Variants in FBXL17 observed in about 807,000 individuals in gnomAD.
FBXL17 encodes the protein F-box/LRR-repeat protein 17.
FBXL17 carries 22 observed loss-of-function variants against 66.2 expected under a neutral mutation model. The ratio of observed to expected loss-of-function variants is 0.33; its 90% CI spans 0.24 to 0.47. FBXL17 has a LOEUF of 0.47. FBXL17 is among the 20% of genes least tolerant of loss of function. FBXL17 has a pLI of 1.00. For synonymous variants in FBXL17, 474 were observed against 400.5 expected, an observed-to-expected ratio of 1.18 and a Z score of -2.19; for missense variants, 878 against 948.2, an observed-to-expected ratio of 0.93 and a Z score of 0.97.
chr5:108,347,482 T>A (rs564675373), intron 4 of FBXL17, among the ~76,000 whole-genome samples: 1 of 152,270 alleles, frequency 6.6e-6, no homozygotes, highest in South Asian at 2.1e-4. Flanking sequence ...AAAACATAAA[T>A]GCTTTGGAAT....
At chr5:108,366,508 C>T (rs1341113696) in intron 2 of FBXL17, among the ~76,000 whole-genome samples, 1 of 151,676 alleles carries the variant, frequency 6.6e-6, no homozygotes, top group East Asian at 1.9e-4. Context: ...CTCTGACATA[C>T]CTCTCCTTTT....
intron 7 of FBXL17, among the ~76,000 whole-genome samples, chr5:107,999,484 C>A (rs1050163847): frequency 7.3e-6 from 1 of 137,730 alleles, no homozygotes; most frequent in African/African-American, 2.8e-5. Flanking sequence ...CACACACACA[C>A]CACACACACA....
chr5:108,170,462 T>C (rs1429565176), intron 6 of FBXL17, among the ~76,000 whole-genome samples: 1 of 152,192 alleles, frequency 6.6e-6, no homozygotes, highest in Non-Finnish European at 1.5e-5. Flanking sequence ...CCCATTTCTA[T>C]ATGTGGAGTT....
At chr5:108,084,191 G>T (rs904762646) in intron 6 of FBXL17, among the ~76,000 whole-genome samples, 17 of 152,126 alleles carry the variant, frequency 1.1e-4, no homozygotes, top group African/African-American at 4.1e-4. Flanking sequence ...CTACATATAC[G>T]TGCCGCAAGC....
intron 8 of FBXL17, among the ~76,000 whole-genome samples, chr5:107,864,536 A>G (rs566187248): frequency 5.3e-5 from 8 of 152,112 alleles, no homozygotes; most frequent in East Asian, 1.9e-4. Context: ...GTGATCCCCA[A>G]TGTTGGAGGT....
intron 6 of FBXL17, among the ~76,000 whole-genome samples, chr5:108,039,171 G>A (rs2112799391): frequency 6.6e-6 from 1 of 152,064 alleles, no homozygotes; most frequent in East Asian, 1.9e-4. Flanking sequence ...ATCCCTTGTT[G>A]AGTGCAAAGA....
intron 3 of FBXL17, among the ~76,000 whole-genome samples, chr5:108,363,520 GA>G (rs1748475284): frequency 6.6e-6 from 1 of 151,866 alleles, no homozygotes; most frequent in South Asian, 2.1e-4. Flanking sequence ...ATAAATATCC[GA>G]AGGAAACATC....
intron 6 of FBXL17, among the ~76,000 whole-genome samples, chr5:108,132,791 T>C (rs963264676): frequency 6.6e-6 from 1 of 152,174 alleles, no homozygotes; most frequent in Non-Finnish European, 1.5e-5. Flanking sequence ...CAGGTCAGGC[T>C]GTGAAAACAT....
At chr5:107,868,909 A>AGTGGTTAC (rs60544240) in intron 8 of FBXL17, among the ~76,000 whole-genome samples, 43,257 of 151,834 alleles carry the variant, frequency 0.28, 8,221 homozygotes, top group African/African-American at 0.53. Flanking sequence ...ACAACTCATC[A>AGTGGTTAC]TTTGTAAGCT....
At chr5:108,154,228 C>A (rs286740) in intron 6 of FBXL17, among the ~76,000 whole-genome samples, 3 of 144,936 alleles carry the variant, frequency 2.1e-5, no homozygotes, top group East Asian at 2.0e-4. Flanking sequence ...TTACAGAAAA[C>A]AGAGACACGT....
intron 4 of FBXL17, among the ~76,000 whole-genome samples, chr5:108,292,600 T>G (rs111787041): frequency 2.2e-3 from 339 of 152,326 alleles, no homozygotes; most frequent in African/African-American, 7.2e-3. Flanking sequence ...ATAAACTAGC[T>G]GAGGGATCAT....
chr5:107,866,065 A>T (rs1344570514), intron 8 of FBXL17, among the ~76,000 whole-genome samples: 1 of 144,668 alleles, frequency 6.9e-6, no homozygotes, highest in Non-Finnish European at 1.5e-5. Context: ...ATGTAATATA[A>T]AAAGGGAACA....
intron 6 of FBXL17, among the ~76,000 whole-genome samples, chr5:108,037,387 A>G (rs1746887809): frequency 6.6e-6 from 1 of 152,218 alleles, no homozygotes; most frequent in African/African-American, 2.4e-5. Context: ...GTGAGAGTAA[A>G]TACCATAGTA....
intron 4 of FBXL17, among the ~76,000 whole-genome samples, chr5:108,253,287 T>A (rs1756438850): frequency 6.6e-6 from 1 of 152,180 alleles, no homozygotes; most frequent in Admixed American, 6.5e-5. Flanking sequence ...GAGCAGGTTT[T>A]CTGCAATGGT....
At chr5:107,923,987 A>G (rs2112564871) in intron 7 of FBXL17, among the ~76,000 whole-genome samples, 1 of 149,716 alleles carries the variant, frequency 6.7e-6, no homozygotes, top group Non-Finnish European at 1.5e-5. Flanking sequence ...ATGTGGGGCT[A>G]GGAGAGGGGG....
chr5:108,012,226 C>G (rs1272882008), intron 7 of FBXL17, among the ~76,000 whole-genome samples: 1 of 152,008 alleles, frequency 6.6e-6, no homozygotes, highest in African/African-American at 2.4e-5. Context: ...AAAGAGGATT[C>G]AGAAAAAATT....
rs531559246 is a variant in FBXL17 at position 107,861,825 on chromosome 5, C to T, written c.2001G>A (p.Gln667=). ...NEVTVEQLVQ[Q]YPHITFSTVL... is the part of the protein sequence containing the mutation. Reference sequence around the variant, plus strand: ...CGGTGCTGAAGGTGATGTGGGGGTACTGCTGCACCAGCTGTTCCACCGTCA... The same window carrying T: ...CGGTGCTGAAGGTGATGTGGGGGTATTGCTGCACCAGCTGTTCCACCGTCA... Residue 667 remains glutamine (Q), a synonymous_variant, in exon 9 of 9, where the codon CAG becomes CAA. Transcript: ENST00000542267. The T allele has an allele frequency of 9.6e-6, 15 of 1,560,238 alleles. No individual in the cohort carries two copies. In the East Asian group the frequency reaches 3.1e-4, roughly 33 times the overall value.
chr5:108,316,400 T>A (rs1201381074), intron 4 of FBXL17, among the ~76,000 whole-genome samples: 1 of 151,420 alleles, frequency 6.6e-6, no homozygotes, highest in Non-Finnish European at 1.5e-5. Context: ...CTGTTCTAGA[T>A]TAAATATTAA....
intron 4 of FBXL17, among the ~76,000 whole-genome samples, chr5:108,292,863 G>C (rs1257354002): frequency 6.6e-6 from 1 of 152,264 alleles, no homozygotes; most frequent in East Asian, 1.9e-4. Context: ...ACATTGGGAG[G>C]ACGAGGCGGG....
Sources: allele counts gnomAD v4.1 joint callset (sites outside exome capture counted in the v4.1 genomes callset), GRCh38; gene constraint gnomAD v4.1.1; transcripts MANE v1.5; gene names NCBI Gene and HGNC (gene_info 2026-07-23, HGNC 2026-07-21).